The following ZBED6 variants were observed in gnomAD, a reference collection of about 807,000 sequenced individuals.
The protein encoded by ZBED6 is zinc finger BED-type containing 6.
A neutral mutation model predicts 58.4 loss-of-function variants in ZBED6; 40 were observed. That is an observed-to-expected ratio of 0.68 (90% CI 0.53 to 0.89). The LOEUF is 0.89. Among genes scored for constraint, ZBED6 ranks in the 40% least tolerant of loss-of-function variants. The pLI is 0.00. For missense variants in ZBED6, 1,057 were observed against 1,003.9 expected (o/e 1.05, Z -0.71); for synonymous variants, 439 against 350.6 (o/e 1.25, Z -2.82).
In ZBED6 at chr1:203,796,524, A is replaced by G. The variant is rs1668558150; in HGVS notation, c.-999A>G. ...GCGGATTCCTATGGGGAAGGCCTAT[A>G]TTGTTGACATCTTCCAGGCCTTGGT... On this transcript the variant is annotated 5_prime_UTR_variant, in exon 1 of 17. It adds an upstream start codon to the 5' untranslated region. Transcript: ENST00000550078. 4 of 398,888 alleles carry G rather than the reference A, an allele frequency of 1.0e-5. No individual in the cohort carries two copies. Among genetic ancestry groups the G allele is most frequent in the Non-Finnish European group, 1.8e-5 (4 of 226,018 alleles). 24.7% of individuals were successfully genotyped at this position (398,888 alleles called of 1,614,324 possible).
chr1:203,797,651 A>G (rs1447087379), exon 1 of ZBED6: 3 of 1,536,124 alleles, frequency 2.0e-6, no homozygotes, highest in South Asian at 1.2e-5. Flanking sequence ...AAGATGTGGT[A>G]GAGGAAAAGA....
At chr1:203,804,953 G>T (rs145698528) in intron 1 of ZBED6, among the ~76,000 whole-genome samples, 1 of 152,036 alleles carries the variant, frequency 6.6e-6, no homozygotes, top group African/African-American at 2.4e-5. Flanking sequence ...GATTACAGGC[G>T]TGAGCTATTG....
intron 1 of ZBED6, chr1:203,806,203 A>G (rs1047439538): frequency 1.4e-5 from 6 of 439,318 alleles, no homozygotes; most frequent in South Asian, 5.5e-5. Context: ...CACCATGCCA[A>G]TGCAGTCATT....
intron 1 of ZBED6, among the ~76,000 whole-genome samples, chr1:203,808,453 T>C (rs781342254): frequency 1.3e-5 from 2 of 152,224 alleles, no homozygotes; most frequent in South Asian, 4.1e-4. Flanking sequence ...TGCCTGGCAT[T>C]TGATGATCCC....
At chr1:203,798,263 T>G (rs1295755814) in exon 1 of ZBED6, 1 of 1,536,022 alleles carries the variant, frequency 6.5e-7, no homozygotes, top group Non-Finnish European at 8.7e-7. Flanking sequence ...GAGGGAGATT[T>G]CTCATCAAAA....
intron 3 of ZBED6, among the ~76,000 whole-genome samples, chr1:203,820,468 A>ATGTGTGTGTGTGTGTGTGTGTG (rs71145033): frequency 0.011 from 1,616 of 150,472 alleles, 40 homozygotes; most frequent in African/African-American, 0.038. Flanking sequence ...ATCACAAATT[A>ATGTGTGTGTGTGTGTGTGTGTG]TGTGTGTGTG....
At chr1:203,820,793 C>G (rs868313309) in intron 3 of ZBED6, among the ~76,000 whole-genome samples, 1 of 152,042 alleles carries the variant, frequency 6.6e-6, no homozygotes, top group Non-Finnish European at 1.5e-5. Context: ...ATTTTTGTTG[C>G]ATATCATCCC....
intron 11 of ZBED6, among the ~76,000 whole-genome samples, chr1:203,844,279 A>C (rs1296448621): frequency 6.6e-6 from 1 of 152,196 alleles, no homozygotes; most frequent in Non-Finnish European, 1.5e-5. Context: ...CTCCTGTCTC[A>C]GCCTCCCGAG....
chr1:203,846,059 T>C (rs1177770607), intron 11 of ZBED6, among the ~76,000 whole-genome samples: 1 of 146,720 alleles, frequency 6.8e-6, no homozygotes, highest in Non-Finnish European at 1.5e-5. Flanking sequence ...GAAGGATCAC[T>C]TGAAGCCAGG....
At chr1:203,798,972 G>C (rs1669629441) in exon 1 of ZBED6, 1 of 1,536,092 alleles carries the variant, frequency 6.5e-7, no homozygotes. Context: ...ACACCTGACT[G>C]TTGACATATG....
At chr1:203,832,163 A>G (rs1004752328) in intron 8 of ZBED6, among the ~76,000 whole-genome samples, 2 of 151,880 alleles carry the variant, frequency 1.3e-5, no homozygotes, top group African/African-American at 4.8e-5. Context: ...GGTTCAAGCA[A>G]TTTTCGTGTC....
chr1:203,848,359 A>G, exon 13 of ZBED6: 2 of 1,613,228 alleles, frequency 1.2e-6, no homozygotes, highest in Non-Finnish European at 1.7e-6. Flanking sequence ...ACCTTCAGGA[A>G]GGAAATGAAG....
chr1:203,818,497 A>G, intron 2 of ZBED6, 73 bp from the exon 3 acceptor site: 1 of 1,592,840 alleles, frequency 6.3e-7, no homozygotes, highest in Non-Finnish European at 8.6e-7. Context: ...AAATTCCAGG[A>G]GCTCTTGTTA....
At chr1:203,819,742 C>T (rs1364694768) in intron 3 of ZBED6, among the ~76,000 whole-genome samples, 1 of 149,872 alleles carries the variant, frequency 6.7e-6, no homozygotes, top group African/African-American at 2.5e-5. Context: ...CCATGCTGGT[C>T]AGGCTGGTCT....
rs140404507 is a variant in ZBED6 at position 203,847,359 on chromosome 1, C to T, written c.*3917C>T. The T allele has an allele frequency of 1.2e-3, 1,976 of 1,613,810 alleles. 21 individuals carry two copies. In the African/African-American group the frequency reaches 0.023, roughly 19 times the overall value. On this transcript the variant is annotated 3_prime_UTR_variant, in exon 12 of 17. Coordinates refer to ENST00000550078, the Ensembl canonical transcript of ZBED6. ...CCTCCACTATCCGTATCAAAACCTT[C>T]TCTGAGGTCCTGGCTGAAAAAAAAC...
At chr1:203,850,719 G>T (rs1190275390) in intron 15 of ZBED6, 38 bp downstream of exon 15, 1 of 1,596,296 alleles carries the variant, frequency 6.3e-7, no homozygotes, top group Non-Finnish European at 8.5e-7. Flanking sequence ...TTTATTCTGT[G>T]TGGTAGGAAA....
chr1:203,849,760 G>A (rs781530055), exon 14 of ZBED6: 62 of 1,613,836 alleles, frequency 3.8e-5, no homozygotes, highest in Non-Finnish European at 4.7e-5. Flanking sequence ...CAAGTCAAGA[G>A]ATGTGAGACC....
At chr1:203,833,922 A>C in intron 9 of ZBED6, 69 bp downstream of exon 9, 1 of 1,543,086 alleles carries the variant, frequency 6.5e-7, no homozygotes. Flanking sequence ...GCTTCTCCAA[A>C]CTCTTTTTAT....
At position 203,850,070 on chromosome 1, in the gene ZBED6, AC is replaced by A. The variant is rs1437430180; in HGVS notation, c.*4638+46del. 11 of 1,572,780 alleles carry A rather than the reference AC, an allele frequency of 7.0e-6. No homozygotes were observed. In the East Asian group the frequency reaches 2.5e-4, roughly 35 times the overall value. On this transcript the variant is annotated intron_variant, in intron 14 of 16. Coordinates refer to ENST00000550078, the Ensembl canonical transcript of ZBED6. ...TGTATTGCTTTAGGTTATCAAAATTACCAAATTCAACCCAATTGTTGCCAGT... is the reference window on the plus strand; with the variant it reads ...TGTATTGCTTTAGGTTATCAAAATTACAAATTCAACCCAATTGTTGCCAGT...
Sources: allele counts gnomAD v4.1 joint callset (sites outside exome capture counted in the v4.1 genomes callset), GRCh38; gene constraint gnomAD v4.1.1; transcripts MANE v1.5; gene names NCBI Gene and HGNC (gene_info 2026-07-23, HGNC 2026-07-21).